SYTL3: variants seen among roughly 807,000 people sequenced by gnomAD.
SYTL3 encodes the protein synaptotagmin like 3, also known as synaptotagmin-like protein 3.
SYTL3 carries 88 observed loss-of-function variants against 82.1 expected under a neutral mutation model. The observed-to-expected ratio is 1.07, with a 90% CI of 0.90 to 1.28. The LOEUF (loss-of-function observed/expected upper bound fraction) is 1.28, where lower values mean the gene tolerates loss of function less well. SYTL3 is among the 50% of genes most tolerant of loss of function. The pLI, the probability that SYTL3 is intolerant of heterozygous loss-of-function variation, is 0.00. For synonymous variants in SYTL3, 311 were observed against 289.4 expected (o/e 1.07, Z -0.76); for missense variants, 831 against 757.6 (o/e 1.10, Z -1.14).
chr6:158,707,420 A>G lies in SYTL3; in HGVS notation c.446+139A>G, dbSNP rs959343906. On this transcript the variant is annotated intron_variant, in intron 7 of 17. Transcript: ENST00000611299. ...ACTCTTTTTTTTTTTTTTCTTTTAAAGATAAAGTTCCTGAAAAAGATTAAA... is the reference window on the plus strand; with the variant it reads ...ACTCTTTTTTTTTTTTTTCTTTTAAGGATAAAGTTCCTGAAAAAGATTAAA... 8.9e-6 allele frequency: 6 copies of G among 672,846 alleles called. No individual in the cohort carries two copies. In the African/African-American group the frequency reaches 1.1e-4, roughly 12 times the overall value. The allele number at this position is 672,846 out of a possible 1,614,324, so 41.7% of individuals were successfully genotyped here. A position where few individuals can be genotyped will look rare whatever the true frequency, so the allele number is the denominator to read the frequency against.
At position 158,655,865 on chromosome 6, in the gene SYTL3, G is replaced by A. The variant is rs148289626; in HGVS notation, c.-637+4023G>A. On this transcript the variant is annotated intron_variant, in intron 2 of 17. Transcript: ENST00000611299. ...AGGCAGCTACTCACCCACACAGCCA[G>A]CCCCCAGCCCTGGTCTCATGACTGT... Among the ~76,000 whole-genome samples, 300 of 152,310 alleles carry A rather than the reference G, an allele frequency of 2.0e-3. 1 individual carries two copies. Among genetic ancestry groups the A allele is most frequent in the Middle Eastern group, 6.8e-3 (2 of 294 alleles).
At chr6:158,687,009 ATACTCTTTCCAGCCCTC>A (rs1280452212) in intron 6 of SYTL3, among the ~76,000 whole-genome samples, 1 of 152,196 alleles carries the variant, frequency 6.6e-6, no homozygotes, top group Admixed American at 6.5e-5. Flanking sequence ...GGTACCGGCA[ATACTCTTTCCAGCCCTC>A]TATATCCTGA....
At chr6:158,683,440 C>T (rs891214230) in intron 6 of SYTL3, among the ~76,000 whole-genome samples, 1 of 151,900 alleles carries the variant, frequency 6.6e-6, no homozygotes, top group Non-Finnish European at 1.5e-5. Flanking sequence ...AGGATGGTCT[C>T]GATCTCCTGA....
intron 9 of SYTL3, among the ~76,000 whole-genome samples, chr6:158,717,770 T>C (rs1783594332): frequency 6.6e-6 from 1 of 152,170 alleles, no homozygotes; most frequent in African/African-American, 2.4e-5. Flanking sequence ...CACACACATA[T>C]GTGTGACCTG....
chr6:158,685,041 C>G (rs1387259004), intron 6 of SYTL3, among the ~76,000 whole-genome samples: 1 of 152,070 alleles, frequency 6.6e-6, no homozygotes, highest in Non-Finnish European at 1.5e-5. Context: ...TATCATATAT[C>G]TATGTACTGA....
chr6:158,700,762 G>GCA (rs1562392289), intron 6 of SYTL3, among the ~76,000 whole-genome samples: 2 of 152,136 alleles, frequency 1.3e-5, no homozygotes, highest in African/African-American at 2.4e-5. Context: ...GACTACAGGT[G>GCA]CCCGCCACCA....
At chr6:158,707,379 A>C in intron 7 of SYTL3, 98 bp downstream of exon 7, 12 of 972,622 alleles carry the variant, frequency 1.2e-5, no homozygotes, top group Non-Finnish European at 1.7e-5. Context: ...TTCACATGTC[A>C]CTGCTTTGGA....
At chr6:158,670,540 G>C (rs948521120) in intron 5 of SYTL3, among the ~76,000 whole-genome samples, 1 of 152,076 alleles carries the variant, frequency 6.6e-6, no homozygotes, top group Non-Finnish European at 1.5e-5. Context: ...CCAGCACTTT[G>C]GGAGGCTGAG....
At chr6:158,742,384 T>A (rs759213817) in intron 11 of SYTL3, among the ~76,000 whole-genome samples, 2 of 152,210 alleles carry the variant, frequency 1.3e-5, no homozygotes, top group Non-Finnish European at 2.9e-5. Flanking sequence ...AGTCTGAGGC[T>A]GAGCTGATTC....
chr6:158,763,271 G>T (rs368696642), intron 16 of SYTL3, 33 bp from the exon 17 acceptor site: 2 of 1,605,456 alleles, frequency 1.2e-6, no homozygotes, highest in Non-Finnish European at 1.7e-6. Context: ...CGTGTGGATG[G>T]CAATGATTGC....
At position 158,668,217 on chromosome 6, in the gene SYTL3, G is replaced by T. The variant is rs566451344; in HGVS notation, c.329+2604G>T. ...CCTGCTAGGAGCCTTGTCCTGGGAG[G>T]GCAGAGTCTTTTATTTATTTATTTA... On this transcript the variant is annotated intron_variant, in intron 5 of 17. Transcript: ENST00000611299. Among the ~76,000 whole-genome samples, 125 of 104,022 alleles carry T rather than the reference G, an allele frequency of 1.2e-3. 1 individual carries two copies. The highest frequency in any genetic ancestry group is 4.4e-3 in the African/African-American group (113 of 25,664). The allele number at this position is 104,022 out of a possible 152,430, so 68.2% of individuals were successfully genotyped here.
chr6:158,714,684 G>A (rs1279992096), intron 9 of SYTL3, among the ~76,000 whole-genome samples: 1 of 152,178 alleles, frequency 6.6e-6, no homozygotes, highest in African/African-American at 2.4e-5. Context: ...CAGGTGTTTA[G>A]AAAATGTCCT....
intron 4 of SYTL3, among the ~76,000 whole-genome samples, chr6:158,664,824 A>G (rs1490176400): frequency 6.6e-6 from 1 of 152,176 alleles, no homozygotes; most frequent in Non-Finnish European, 1.5e-5. Flanking sequence ...AGAGCGTGCT[A>G]GTAAATGACA....
chr6:158,692,084 C>T (rs1221148126), intron 6 of SYTL3, among the ~76,000 whole-genome samples: 9 of 146,952 alleles, frequency 6.1e-5, no homozygotes, highest in Non-Finnish European at 1.1e-4. Context: ...GGTGAAACCC[C>T]GTCTCTACTA....
chr6:158,737,998 T>A (rs1396332696), intron 11 of SYTL3, among the ~76,000 whole-genome samples: 4 of 152,236 alleles, frequency 2.6e-5, no homozygotes, highest in Admixed American at 6.5e-5. Context: ...TATAAAATGA[T>A]GAGTAATGAC....
intron 11 of SYTL3, among the ~76,000 whole-genome samples, chr6:158,740,368 T>C (rs1205365163): frequency 6.6e-6 from 1 of 152,218 alleles, no homozygotes; most frequent in African/African-American, 2.4e-5. Flanking sequence ...TGATTCTTTA[T>C]TATATATTCT....
chr6:158,741,590 C>G (rs1471670368), intron 11 of SYTL3, among the ~76,000 whole-genome samples: 1 of 152,202 alleles, frequency 6.6e-6, no homozygotes, highest in Non-Finnish European at 1.5e-5. Flanking sequence ...TGACCAGGAC[C>G]TTTGGTGCAA....
At chr6:158,657,023 C>T (rs1018215279) in intron 2 of SYTL3, among the ~76,000 whole-genome samples, 4 of 152,150 alleles carry the variant, frequency 2.6e-5, no homozygotes, top group African/African-American at 9.7e-5. Flanking sequence ...TGTAAAGGTT[C>T]ACTTTTTCTT....
At chr6:158,713,347 C>A (rs1233152158) in intron 8 of SYTL3, among the ~76,000 whole-genome samples, 1 of 152,022 alleles carries the variant, frequency 6.6e-6, no homozygotes, top group Non-Finnish European at 1.5e-5. Flanking sequence ...TCAGCTCTTG[C>A]CTGGTCACCT....
Sources: allele counts gnomAD v4.1 joint callset (sites outside exome capture counted in the v4.1 genomes callset), GRCh38; gene constraint gnomAD v4.1.1; transcripts MANE v1.5; gene names NCBI Gene and HGNC (gene_info 2026-07-23, HGNC 2026-07-21).